MEIKIN: variants seen among roughly 807,000 people sequenced by gnomAD.
MEIKIN encodes meiosis-specific kinetochore protein.
intron 4 of MEIKIN, among the ~76,000 whole-genome samples, chr5:131,934,133 T>A (rs1336392430): frequency 6.7e-6 from 1 of 148,748 alleles, no homozygotes; most frequent in Non-Finnish European, 1.5e-5. Context: ...TTTTTTTTAT[T>A]TTTTTTTTTA....
chr5:131,810,660 C>G (rs1468033981), intron 12 of MEIKIN, among the ~76,000 whole-genome samples: 4 of 152,184 alleles, frequency 2.6e-5, no homozygotes, highest in African/African-American at 9.6e-5. Context: ...TGTAGTTATT[C>G]TGGTGAGGTA....
intron 3 of MEIKIN, among the ~76,000 whole-genome samples, chr5:131,944,111 C>CA (rs530605601): frequency 0.084 from 5,665 of 67,540 alleles, 115 homozygotes; most frequent in Middle Eastern, 0.21. Context: ...ACTCTGTCTC[C>CA]AAAAAAAAAA....
intron 11 of MEIKIN, among the ~76,000 whole-genome samples, chr5:131,828,453 T>G (rs1486719677): frequency 6.6e-6 from 1 of 152,138 alleles, no homozygotes; most frequent in Non-Finnish European, 1.5e-5. Context: ...CGTGAGCCAC[T>G]GTGCCTGGCC....
chr5:131,917,396 T>C (rs1050948489), intron 6 of MEIKIN, among the ~76,000 whole-genome samples: 8 of 151,798 alleles, frequency 5.3e-5, no homozygotes, highest in African/African-American at 1.5e-4. Flanking sequence ...TGAAACCCCA[T>C]CTCTACTAAA....
At chr5:131,941,109 C>T (rs17132085) in intron 4 of MEIKIN, among the ~76,000 whole-genome samples, 2,696 of 142,570 alleles carry the variant, frequency 0.019, 86 homozygotes, top group African/African-American at 0.066. Flanking sequence ...AGTTCTTAAT[C>T]CATCGCCTTG....
intron 12 of MEIKIN, among the ~76,000 whole-genome samples, chr5:131,811,575 G>A (rs906181340): frequency 6.6e-6 from 1 of 150,776 alleles, no homozygotes; most frequent in African/African-American, 2.4e-5. Flanking sequence ...CCAACGTGCT[G>A]GGATTACAGG....
chr5:131,902,733 A>G (rs1440398134), intron 8 of MEIKIN, among the ~76,000 whole-genome samples: 1 of 152,212 alleles, frequency 6.6e-6, no homozygotes, highest in African/African-American at 2.4e-5. Context: ...TGGCAATTCA[A>G]AAAGCCAGAG....
chr5:131,897,816 A>G (rs995982857), intron 8 of MEIKIN, among the ~76,000 whole-genome samples: 1 of 151,700 alleles, frequency 6.6e-6, no homozygotes, highest in Non-Finnish European at 1.5e-5. Context: ...TTTTAGCTTG[A>G]AATAGGTTTT....
At chr5:131,826,218 C>A (rs1044944307) in intron 11 of MEIKIN, among the ~76,000 whole-genome samples, 4 of 151,216 alleles carry the variant, frequency 2.6e-5, no homozygotes, top group Non-Finnish European at 5.9e-5. Context: ...TGAGTCACTG[C>A]GCCTGGCCTA....
intron 5 of MEIKIN, among the ~76,000 whole-genome samples, chr5:131,925,156 G>GTATCATAAGTATGATCTT (rs1751567494): frequency 6.6e-6 from 1 of 152,126 alleles, no homozygotes; most frequent in African/African-American, 2.4e-5. Flanking sequence ...TTTCTCTTAT[G>GTATCATAAGTATGATCTT]ACAGTATCAT....
intron 9 of MEIKIN, among the ~76,000 whole-genome samples, chr5:131,864,937 T>C (rs1750358192): frequency 6.6e-6 from 1 of 152,226 alleles, no homozygotes; most frequent in African/African-American, 2.4e-5. Context: ...TTTGCCTAAC[T>C]GGGTTATGTC....
At chr5:131,824,617 A>G (rs1177504055) in intron 11 of MEIKIN, among the ~76,000 whole-genome samples, 2 of 152,232 alleles carry the variant, frequency 1.3e-5, no homozygotes, top group Non-Finnish European at 2.9e-5. Flanking sequence ...AGTTTTTGAA[A>G]TAAAAAATTC....
chr5:131,875,227 T>C (rs937802718), intron 9 of MEIKIN, among the ~76,000 whole-genome samples: 4 of 152,248 alleles, frequency 2.6e-5, no homozygotes, highest in Admixed American at 1.3e-4. Context: ...GATGACATGA[T>C]TGTGTATCTA....
intron 9 of MEIKIN, among the ~76,000 whole-genome samples, chr5:131,865,181 CT>C (rs953548499): frequency 6.7e-6 from 1 of 148,622 alleles, no homozygotes; most frequent in African/African-American, 2.5e-5. Context: ...CACCAAGCTT[CT>C]TTAGTATCAA....
intron 4 of MEIKIN, 108 bp from the exon 5 acceptor site, chr5:131,933,749 C>G (rs975696992): frequency 2.6e-6 from 1 of 388,532 alleles, no homozygotes; most frequent in Non-Finnish European, 4.5e-6. Flanking sequence ...TATATTATTA[C>G]TAGAACATAA....
Position 131,868,333 on chromosome 5 carries a change from C to T in MEIKIN, c.774+10645G>A, listed in dbSNP as rs144307042. ...CCCTGGGCTAAGGCAATCCACTTGCCTCAGTCCCCCAAAATGTTGGGATTA... is the reference window on the plus strand; with the variant it reads ...CCCTGGGCTAAGGCAATCCACTTGCTTCAGTCCCCCAAAATGTTGGGATTA... On this transcript the variant is annotated intron_variant, in intron 9 of 12. Coordinates refer to ENST00000442687, the MANE Select transcript of MEIKIN (RefSeq NM_001303622.2). Among the ~76,000 whole-genome samples the T allele has an allele frequency of 4.7e-3, 711 of 152,338 alleles. 8 individuals carry two copies. The highest frequency in any genetic ancestry group is 0.016 in the African/African-American group (675 of 41,570).
At chr5:131,828,469 T>C (rs1002004088) in intron 11 of MEIKIN, among the ~76,000 whole-genome samples, 1 of 152,004 alleles carries the variant, frequency 6.6e-6, no homozygotes, top group African/African-American at 2.4e-5. Context: ...TGGCCTAATA[T>C]AAGATTTGGA....
intron 9 of MEIKIN, among the ~76,000 whole-genome samples, chr5:131,869,252 T>C (rs773462333): frequency 2.0e-5 from 3 of 152,230 alleles, no homozygotes; most frequent in Non-Finnish European, 4.4e-5. Flanking sequence ...CTCCATTATA[T>C]TGCCTTTGCT....
chr5:131,870,798 C>T (rs1056031885), intron 9 of MEIKIN, among the ~76,000 whole-genome samples: 7 of 152,196 alleles, frequency 4.6e-5, no homozygotes, highest in African/African-American at 1.7e-4. Flanking sequence ...AAAGCCACCA[C>T]TATAGGTCAC....
Sources: allele counts gnomAD v4.1 joint callset (sites outside exome capture counted in the v4.1 genomes callset), GRCh38; gene constraint gnomAD v4.1.1; transcripts MANE v1.5; gene names NCBI Gene and HGNC (gene_info 2026-07-23, HGNC 2026-07-21).